MYO18B: variants seen among roughly 807,000 people sequenced by gnomAD.
MYO18B encodes the protein myosin XVIIIB, also known as unconventional myosin-XVIIIb.
MYO18B carries 204 observed loss-of-function variants against 273.0 expected under a neutral mutation model. That is an observed-to-expected ratio of 0.75 (90% CI 0.67 to 0.84). The LOEUF is 0.84. MYO18B is among the 40% of genes least tolerant of loss of function. The pLI, the probability that MYO18B is intolerant of heterozygous loss-of-function variation, is 0.00. For missense variants in MYO18B, 3,212 were observed against 3,287.6 expected (o/e 0.98, Z 0.56); for synonymous variants, 1,330 against 1,305.7 (o/e 1.02, Z -0.40).
intron 33 of MYO18B, among the ~76,000 whole-genome samples, chr22:25,912,603 G>C (rs1305449438): frequency 1.3e-5 from 2 of 152,136 alleles, no homozygotes; most frequent in Non-Finnish European, 2.9e-5. Context: ...CAAACCCATG[G>C]AAAAGCAGAA....
chr22:25,951,971 C>T (rs528588773), intron 37 of MYO18B, among the ~76,000 whole-genome samples: 96 of 152,266 alleles, frequency 6.3e-4, no homozygotes, highest in African/African-American at 2.1e-3. Flanking sequence ...ACTAGCTTTG[C>T]TCCTTGATCA....
At chr22:25,793,242 G>A (rs2087757583) in intron 11 of MYO18B, among the ~76,000 whole-genome samples, 1 of 152,118 alleles carries the variant, frequency 6.6e-6, no homozygotes, top group South Asian at 2.1e-4. Flanking sequence ...TTTTATTTAT[G>A]TATTTTGTTT....
intron 4 of MYO18B, 98 bp from the exon 5 acceptor site, chr22:25,770,012 A>T: frequency 8.1e-7 from 1 of 1,238,408 alleles, no homozygotes; most frequent in Non-Finnish European, 1.2e-6. Context: ...ATTCTGGTTT[A>T]GATGGCTCCA....
rs1224175804 is a variant in MYO18B at position 25,895,143 on chromosome 22, C to T, written c.4544-13C>T. 1.2e-6 allele frequency: 2 copies of T among 1,611,738 alleles called. No individual in the cohort carries two copies. The highest frequency in any genetic ancestry group is 2.7e-5 in the African/African-American group (2 of 74,908). Reference sequence around the variant, plus strand: ...TGGCCTCTTATCCTGGTCTCCCTGACTCCGTTAAACAGCAGACGAGTGGCA... The same window carrying T: ...TGGCCTCTTATCCTGGTCTCCCTGATTCCGTTAAACAGCAGACGAGTGGCA... On this transcript the variant is annotated splice_polypyrimidine_tract_variant and intron_variant, in intron 27 of 43. Coordinates refer to ENST00000335473, the MANE Select transcript of MYO18B (RefSeq NM_032608.7).
At chr22:25,800,202 G>A (rs916478854) in intron 12 of MYO18B, among the ~76,000 whole-genome samples, 1 of 152,058 alleles carries the variant, frequency 6.6e-6, no homozygotes, top group Admixed American at 6.5e-5. Flanking sequence ...TTAAGAGGGG[G>A]TGAAGGATAA....
chr22:25,855,473 C>T (rs963339363), intron 21 of MYO18B, among the ~76,000 whole-genome samples: 47 of 152,006 alleles, frequency 3.1e-4, no homozygotes, highest in African/African-American at 1.1e-3. Flanking sequence ...TTAGTAGAGA[C>T]GGGGTTTCAC....
chr22:25,769,850 TTATG>T (rs1388232799), intron 4 of MYO18B, among the ~76,000 whole-genome samples: 1 of 150,902 alleles, frequency 6.6e-6, no homozygotes, highest in Non-Finnish European at 1.5e-5. Flanking sequence ...GAATCTGCAT[TTATG>T]TAGTATTTTT....
chr22:25,746,722 T>C (rs2085790351), intron 1 of MYO18B, among the ~76,000 whole-genome samples: 1 of 152,232 alleles, frequency 6.6e-6, no homozygotes, highest in Non-Finnish European at 1.5e-5. Flanking sequence ...ACGCTAAATT[T>C]TTGATTTAAT....
chr22:26,050,860 C>T, the MYO18B span, among the ~76,000 whole-genome samples: 33 of 152,118 alleles, frequency 2.2e-4, no homozygotes, highest in African/African-American at 6.7e-4. Context: ...GGTCCACCAG[C>T]GAATAGGTCC....
chr22:26,024,748 G>A (rs1191841737), intron 42 of MYO18B, among the ~76,000 whole-genome samples: 2 of 152,230 alleles, frequency 1.3e-5, no homozygotes, highest in Non-Finnish European at 2.9e-5. Context: ...GGAGGAGATA[G>A]GTTTGTGGGA....
At position 25,755,907 on chromosome 22, in the gene MYO18B, C is replaced by CT. The variant is rs568293596; in HGVS notation, c.-109-5067dup. On this transcript the variant is annotated intron_variant, in intron 1 of 43. Transcript: ENST00000335473. The stretch of plus-strand genomic sequence containing the variant: ...GCCAGTTGAACTTTTTTCTTTCTTT[C>CT]TTTTTTTTTTCTTTCCCCCCACCCC... Among the ~76,000 whole-genome samples the CT allele has an allele frequency of 1.0e-2, 1,480 of 148,394 alleles. 9 individuals carry two copies. Among genetic ancestry groups the CT allele is most frequent in the South Asian group, 0.02 (93 of 4,678 alleles).
the MYO18B span, among the ~76,000 whole-genome samples, chr22:26,038,101 C>G: frequency 6.6e-6 from 1 of 152,218 alleles, no homozygotes; most frequent in East Asian, 1.9e-4. Context: ...AATTTGGAAG[C>G]AGACTTCAAC....
chr22:25,937,110 T>C (rs2092588271), intron 34 of MYO18B, among the ~76,000 whole-genome samples: 2 of 152,090 alleles, frequency 1.3e-5, no homozygotes, highest in Admixed American at 1.3e-4. Context: ...GACAGAATCT[T>C]GCTCTGTCAC....
chr22:26,002,080 C>T (rs187756240), intron 40 of MYO18B, among the ~76,000 whole-genome samples: 2 of 152,242 alleles, frequency 1.3e-5, no homozygotes, highest in Admixed American at 1.3e-4. Context: ...TCTTTGGGGA[C>T]CATTATTCTG....
chr22:26,046,395 G>A, the MYO18B span, among the ~76,000 whole-genome samples: 5 of 152,276 alleles, frequency 3.3e-5, no homozygotes, highest in South Asian at 2.1e-4. Flanking sequence ...TTCTAAAGTG[G>A]GGCACCATGA....
Position 25,846,235 on chromosome 22 carries a change from TGCCGCGGTGAGGAGGAAA to T in MYO18B, c.3508_3525del (p.Ala1170_Ala1175del). ...TGAGGAGGACCTTTGCCAGCAGCCT[TGCCGCGGTGAGGAGGAAA>T]GCCCCGTGCTCCCAGATCAAGCTGC... is the stretch of plus-strand genomic sequence containing the variant. On this transcript the variant is annotated inframe_deletion, in exon 19 of 44. Transcript: ENST00000335473. The T allele has an allele frequency of 6.2e-7, 1 of 1,612,346 alleles. No homozygotes were observed. The highest frequency in any genetic ancestry group is 8.5e-7 in the Non-Finnish European group (1 of 1,179,816).
intron 29 of MYO18B, chr22:25,901,307 A>G (rs902777439): frequency 3.3e-5 from 5 of 152,260 alleles, no homozygotes; most frequent in East Asian, 3.8e-4. Context: ...CTCTGGAACA[A>G]TGGGACTTCC....
intron 39 of MYO18B, among the ~76,000 whole-genome samples, chr22:25,991,964 C>T (rs1052775453): frequency 3.3e-5 from 5 of 152,196 alleles, no homozygotes; most frequent in South Asian, 4.1e-4. Flanking sequence ...CCAGATTTAT[C>T]CTTGAGGCTC....
chr22:25,778,507 T>C (rs933397850), intron 8 of MYO18B, among the ~76,000 whole-genome samples: 1 of 151,858 alleles, frequency 6.6e-6, no homozygotes, highest in Non-Finnish European at 1.5e-5. Flanking sequence ...TGAGACGGGG[T>C]CTCACTCTCT....
Sources: gnomAD v4.1 joint callset for allele counts (sites outside exome capture counted in the v4.1 genomes callset) on GRCh38, gnomAD v4.1.1 for gene constraint, MANE v1.5 for transcripts, NCBI Gene and HGNC (gene_info 2026-07-23, HGNC 2026-07-21) for gene names.